The following PRKCH variants were observed in gnomAD, a reference collection of about 807,000 sequenced individuals.
PRKCH encodes the protein protein kinase C eta.
Under a neutral mutation model 82.5 loss-of-function variants are expected in PRKCH, and 28 were observed. That is an observed-to-expected ratio of 0.34 (90% CI 0.25 to 0.47). The LOEUF is 0.47. Ranked by LOEUF, PRKCH falls within the 20% of genes least tolerant of loss-of-function variation. PRKCH has a pLI of 1.00. For synonymous variants in PRKCH, 322 were observed against 327.4 expected, an observed-to-expected ratio of 0.98 and a Z score of 0.18; for missense variants, 705 against 881.8, an observed-to-expected ratio of 0.80 and a Z score of 2.54.
chr14:61,280,564 C>T lies in PRKCH; in HGVS notation c.-19+92896C>T. On this transcript the variant is annotated intron_variant, in intron 1 of 3. Transcript: ENST00000555185. This position sits in a 1 kb window ranked among gnomAD's most constrained non-coding sequence, Gnocchi z 5.0. ...GTGGTAGTCGGTCCACCAGGCGATG[C>T]CGGAGCGGTCGAGCGGCACCTCGAC... The T allele has an allele frequency of 6.2e-7, 1 of 1,607,334 alleles. No homozygotes were observed. The highest frequency in any genetic ancestry group is 1.1e-5 in the South Asian group (1 of 90,546).
At position 61,210,004 on chromosome 14, in the gene PRKCH, C is replaced by T. The variant is rs577226616; in HGVS notation, c.-19+22336C>T. Among the ~76,000 whole-genome samples, 83 of 150,536 alleles carry T rather than the reference C, an allele frequency of 5.5e-4. 1 individual carries two copies. The highest frequency in any genetic ancestry group is 5.3e-3 in the East Asian group (27 of 5,132). On this transcript the variant is annotated intron_variant, in intron 1 of 3. Coordinates refer to the PRKCH transcript ENST00000555185. ...TTATAATCCCAGCACTTTGGGAGGCCGAGGAGGGTGGATCACGAGGTCAGG... is the reference window on the plus strand; with the variant it reads ...TTATAATCCCAGCACTTTGGGAGGCTGAGGAGGGTGGATCACGAGGTCAGG...
At chr14:61,393,934 C>T (rs1159370083) in intron 2 of PRKCH, among the ~76,000 whole-genome samples, 2 of 152,238 alleles carry the variant, frequency 1.3e-5, no homozygotes, top group Non-Finnish European at 1.5e-5. Flanking sequence ...GTTGTTCTCT[C>T]ACATCATCAA....
At chr14:61,510,172 A>T (rs1887315873) in intron 10 of PRKCH, among the ~76,000 whole-genome samples, 1 of 152,174 alleles carries the variant, frequency 6.6e-6, no homozygotes, top group South Asian at 2.1e-4. Context: ...CAGCTGAGGT[A>T]GATGGGGGTG....
intron 2 of PRKCH, among the ~76,000 whole-genome samples, chr14:61,440,413 A>T (rs1392769293): frequency 1.3e-5 from 2 of 152,138 alleles, no homozygotes; most frequent in African/African-American, 4.8e-5. Flanking sequence ...GATTACACCT[A>T]CCTCCAAACA....
intron 1 of PRKCH, among the ~76,000 whole-genome samples, chr14:61,248,780 GTATGTATGTATGTATGTA>G (rs201045911): frequency 0.2 from 23,331 of 118,290 alleles, 1,934 homozygotes; most frequent in African/African-American, 0.25. Flanking sequence ...ATGTATGTAT[GTATGTATGTATGTATGTA>G]TGTGTGTGTG....
chr14:61,445,377 A>G (rs1480099496), intron 3 of PRKCH, among the ~76,000 whole-genome samples: 1 of 152,258 alleles, frequency 6.6e-6, no homozygotes, highest in Non-Finnish European at 1.5e-5. Context: ...GGAACTCTTC[A>G]GGCCAAGGCT....
At chr14:61,354,395 T>C (rs917441407) in intron 1 of PRKCH, among the ~76,000 whole-genome samples, 1 of 108,266 alleles carries the variant, frequency 9.2e-6, no homozygotes, top group Non-Finnish European at 1.9e-5. Flanking sequence ...TTCTTATTGC[T>C]GTTTCTATTT....
chr14:61,432,070 T>C (rs866078371), intron 2 of PRKCH, among the ~76,000 whole-genome samples: 4,681 of 23,726 alleles, frequency 0.2, 259 homozygotes, highest in African/African-American at 0.36. Context: ...TCTCTCTCTT[T>C]TTTTTTTTTT....
At chr14:61,348,767 A>G (rs2046031299) in intron 1 of PRKCH, among the ~76,000 whole-genome samples, 1 of 152,248 alleles carries the variant, frequency 6.6e-6, no homozygotes, top group East Asian at 1.9e-4. Flanking sequence ...CACCCCCACT[A>G]TTTTATGCCT....
rs1242141490 is a variant in PRKCH at position 61,450,963 on chromosome 14, A to C, written c.824A>C (p.Gln275Pro). The C allele has an allele frequency of 6.2e-7, 1 of 1,613,898 alleles. No homozygotes were observed. Residue 275 changes from glutamine to proline, a missense_variant, in exon 6 of 14, where the codon CAG becomes CCG. By Grantham distance (76) the Gln-to-Pro change is moderately conservative. Around this residue, in one of 5 missense-constraint regions of PRKCH, gnomAD observed 238 missense variants for 258.1 expected, o/e 0.92. Coordinates refer to ENST00000332981, the MANE Select transcript of PRKCH (RefSeq NM_006255.5). ...TGGGGAATAATGCGACAAGGACTTC[A>C]GTGTAAAAGTGAGATGCTGAGGTGC... ...LLWGIMRQGL[Q>P]CKICKMNVHI... is the part of the protein sequence containing the mutation.
chr14:61,345,648 GT>G (rs2045982613), intron 1 of PRKCH, among the ~76,000 whole-genome samples: 1 of 152,234 alleles, frequency 6.6e-6, no homozygotes, highest in South Asian at 2.1e-4. Context: ...AGTATTTCAT[GT>G]GCATTAACTA....
chr14:61,346,043 T>A (rs1005825733), intron 1 of PRKCH, among the ~76,000 whole-genome samples: 4 of 152,146 alleles, frequency 2.6e-5, no homozygotes, highest in Non-Finnish European at 4.4e-5. Context: ...TGATGTAAAG[T>A]GGTAGAGAAA....
chr14:61,192,375 A>G (rs906062341), intron 1 of PRKCH, among the ~76,000 whole-genome samples: 2 of 152,214 alleles, frequency 1.3e-5, no homozygotes, highest in African/African-American at 4.8e-5. Flanking sequence ...AAATACAGAT[A>G]AAGGTGTTCA....
At chr14:61,434,849 C>A (rs1433329802) in intron 2 of PRKCH, among the ~76,000 whole-genome samples, 2 of 152,032 alleles carry the variant, frequency 1.3e-5, no homozygotes, top group African/African-American at 4.8e-5. Context: ...AGTGAGACCC[C>A]AACTCTACTT....
intron 1 of PRKCH, among the ~76,000 whole-genome samples, chr14:61,371,839 AG>A (rs1717496798): frequency 6.6e-6 from 1 of 152,044 alleles, no homozygotes; most frequent in South Asian, 2.1e-4. Flanking sequence ...TGAGGGAGGT[AG>A]TATTTAGAGA....
intron 7 of PRKCH, among the ~76,000 whole-genome samples, 165 bp downstream of exon 7, chr14:61,453,518 TTTTC>T (rs1313695431): frequency 4.6e-5 from 7 of 151,708 alleles, no homozygotes; most frequent in African/African-American, 9.7e-5. Context: ...TTCTTTTTTC[TTTTC>T]TTTCTTTCTC....
At chr14:61,305,276 A>G (rs1274949079) in intron 1 of PRKCH, 4 of 151,848 alleles carry the variant, frequency 2.6e-5, no homozygotes, top group Non-Finnish European at 5.9e-5. Context: ...CCTTTACTTC[A>G]AGGCTTAAGT....
chr14:61,437,317 TTACC>T (rs1372381686), intron 2 of PRKCH, among the ~76,000 whole-genome samples: 1 of 152,212 alleles, frequency 6.6e-6, no homozygotes, highest in Non-Finnish European at 1.5e-5. Flanking sequence ...TGTTGCTACC[TTACC>T]TCATTACCTT....
intron 1 of PRKCH, among the ~76,000 whole-genome samples, chr14:61,289,523 A>G (rs1253958042): frequency 6.6e-6 from 1 of 152,206 alleles, no homozygotes; most frequent in African/African-American, 2.4e-5. Flanking sequence ...CCTGGGCAAC[A>G]TGGCAAAATC....
Sources: gnomAD v4.1 joint callset for allele counts (sites outside exome capture counted in the v4.1 genomes callset) on GRCh38, gnomAD v4.1.1 for gene constraint, gnomAD v4.1.1 regional missense constraint, Gnocchi (gnomAD v3.1) non-coding constraint, MANE v1.5 for transcripts, NCBI Gene and HGNC (gene_info 2026-07-23, HGNC 2026-07-21) for gene names.